NOVA1: variants seen among roughly 807,000 people sequenced by gnomAD.
The protein encoded by NOVA1 is RNA-binding protein Nova-1.
Under a neutral mutation model 38.0 loss-of-function variants are expected in NOVA1, and 7 were observed. The ratio of observed to expected loss-of-function variants is 0.18; its 90% CI spans 0.10 to 0.35. The LOEUF is 0.35. Among genes scored for constraint, NOVA1 ranks in the 10% least tolerant of loss-of-function variants. The pLI is 1.00. For missense variants in NOVA1, 460 were observed against 616.0 expected, an observed-to-expected ratio of 0.75 and a Z score of 2.68; for synonymous variants, 270 against 232.5, an observed-to-expected ratio of 1.16 and a Z score of -1.47.
chr14:26,587,681 T>C (rs1344239738), intron 2 of NOVA1, among the ~76,000 whole-genome samples: 1 of 151,278 alleles, frequency 6.6e-6, no homozygotes, highest in East Asian at 1.9e-4. Flanking sequence ...CCTCCAACAC[T>C]AACCACTTCA....
chr14:26,521,946 T>C (rs1888929125), intron 2 of NOVA1, among the ~76,000 whole-genome samples: 2 of 151,638 alleles, frequency 1.3e-5, no homozygotes, highest in South Asian at 4.2e-4. Context: ...TTTTCCTTAA[T>C]TAGAGTTCAA....
Position 26,445,287 on chromosome 14 carries a change from A to G in NOVA1, c.*2672T>C, listed in dbSNP as rs1881985327. On this transcript the variant is annotated 3_prime_UTR_variant, in exon 5 of 5. Transcript: ENST00000539517. The stretch of plus-strand genomic sequence containing the variant: ...CATACTAATTTTCTTGCAATAAATT[A>G]AAGCATCACATCACAAATCAATTCT... 6.6e-6 allele frequency: 1 copy of G among 152,224 alleles called. No homozygotes were observed. Among genetic ancestry groups the G allele is most frequent in the African/African-American group, 2.4e-5 (1 of 41,466 alleles). The allele number at this position is 152,224 out of a possible 1,614,324, so 9.4% of individuals were successfully genotyped here. A position where few individuals can be genotyped will look rare whatever the true frequency, so the allele number is the denominator to read the frequency against.
At position 26,557,093 on chromosome 14, in the gene NOVA1, T is replaced by C. The variant is rs1179876929; in HGVS notation, c.280+38317A>G. Among the ~76,000 whole-genome samples, 2 of 152,168 alleles carry C rather than the reference T, an allele frequency of 1.3e-5. 1 individual carries two copies. Among genetic ancestry groups the C allele is most frequent in the Non-Finnish European group, 2.9e-5 (2 of 68,024 alleles). On this transcript the variant is annotated intron_variant, in intron 2 of 4. Transcript: ENST00000539517. Reference sequence around the variant, plus strand: ...GTACACATTTCTCCTCTTATAAGGATACCAGTCATAATGGATTCAAACTTA... The same window carrying C: ...GTACACATTTCTCCTCTTATAAGGACACCAGTCATAATGGATTCAAACTTA...
intron 2 of NOVA1, among the ~76,000 whole-genome samples, chr14:26,521,162 A>G (rs953188779): frequency 9.2e-5 from 14 of 152,004 alleles, no homozygotes; most frequent in Non-Finnish European, 1.6e-4. Context: ...CAGCATGACT[A>G]TTTTAGGTCA....
intron 2 of NOVA1, among the ~76,000 whole-genome samples, chr14:26,579,529 T>C (rs568033952): frequency 5.6e-4 from 86 of 152,326 alleles, no homozygotes; most frequent in Non-Finnish European, 1.2e-3. Context: ...TACTTACAGT[T>C]AGTTGATCTT....
chr14:26,562,493 C>T (rs1479276137), intron 2 of NOVA1, among the ~76,000 whole-genome samples: 1 of 152,104 alleles, frequency 6.6e-6, no homozygotes, highest in Non-Finnish European at 1.5e-5. Flanking sequence ...TCTGAAACAT[C>T]ACTAAAATGG....
chr14:26,537,956 T>C (rs894323260), intron 2 of NOVA1, among the ~76,000 whole-genome samples: 1 of 152,096 alleles, frequency 6.6e-6, no homozygotes, highest in Non-Finnish European at 1.5e-5. Context: ...AGTGAAGATG[T>C]AGAGGAAGAG....
At chr14:26,483,707 T>C (rs987036185) in intron 2 of NOVA1, among the ~76,000 whole-genome samples, 1 of 152,130 alleles carries the variant, frequency 6.6e-6, no homozygotes, top group Non-Finnish European at 1.5e-5. Flanking sequence ...TATAGATTAA[T>C]ACTGAAAACA....
At chr14:26,476,727 T>TG (rs1443479775) in intron 3 of NOVA1, among the ~76,000 whole-genome samples, 1 of 151,414 alleles carries the variant, frequency 6.6e-6, no homozygotes, top group Non-Finnish European at 1.5e-5. Context: ...TCTTTTTTTT[T>TG]TTTTTTGAGA....
intron 4 of NOVA1, among the ~76,000 whole-genome samples, chr14:26,464,379 G>T (rs1296784831): frequency 6.6e-6 from 1 of 152,208 alleles, no homozygotes. Flanking sequence ...TAGGTTTGTA[G>T]CCTAGGAGCA....
At chr14:26,486,516 T>C (rs1885903410) in intron 2 of NOVA1, among the ~76,000 whole-genome samples, 1 of 151,746 alleles carries the variant, frequency 6.6e-6, no homozygotes, top group Non-Finnish European at 1.5e-5. Context: ...AAGACCATCC[T>C]GGCTAACACG....
intron 2 of NOVA1, among the ~76,000 whole-genome samples, chr14:26,510,323 T>C (rs1051427197): frequency 6.6e-6 from 1 of 152,172 alleles, no homozygotes; most frequent in African/African-American, 2.4e-5. Context: ...GTTTATAGAA[T>C]GTTAAACGGT....
At chr14:26,574,727 C>T (rs1892727425) in intron 2 of NOVA1, among the ~76,000 whole-genome samples, 1 of 152,124 alleles carries the variant, frequency 6.6e-6, no homozygotes, top group South Asian at 2.1e-4. Context: ...GGTGAGATCA[C>T]GCTCACTGCA....
At chr14:26,539,578 A>G (rs1890324348) in intron 2 of NOVA1, among the ~76,000 whole-genome samples, 1 of 151,662 alleles carries the variant, frequency 6.6e-6, no homozygotes, top group Non-Finnish European at 1.5e-5. Context: ...AGATGTAGAT[A>G]AAGATATATA....
At chr14:26,549,798 T>C in intron 2 of NOVA1, 1 of 1,246,250 alleles carries the variant, frequency 8.0e-7, no homozygotes, top group Non-Finnish European at 1.1e-6. Context: ...GAAAGTGCGC[T>C]GTTAAACAGT....
At chr14:26,587,904 G>C (rs1264415606) in intron 2 of NOVA1, among the ~76,000 whole-genome samples, 1 of 151,006 alleles carries the variant, frequency 6.6e-6, no homozygotes, top group African/African-American at 2.4e-5. Flanking sequence ...TCTCAGTCCA[G>C]TGTATTTTCT....
intron 2 of NOVA1, among the ~76,000 whole-genome samples, chr14:26,558,204 A>C (rs1891611043): frequency 6.6e-6 from 1 of 152,108 alleles, no homozygotes; most frequent in Non-Finnish European, 1.5e-5. Context: ...ACATATAAAA[A>C]TGTACAACGT....
At chr14:26,593,740 G>A (rs1012424899) in intron 2 of NOVA1, 2 of 151,686 alleles carry the variant, frequency 1.3e-5, no homozygotes, top group African/African-American at 4.8e-5. Context: ...AAAAACAAAA[G>A]ATCTAATTCT....
At chr14:26,560,599 G>T (rs1323777833) in intron 2 of NOVA1, among the ~76,000 whole-genome samples, 2 of 152,124 alleles carry the variant, frequency 1.3e-5, no homozygotes, top group East Asian at 3.9e-4. Context: ...CGTGGTAGTT[G>T]TAAGGACAGA....
Sources: gnomAD v4.1 joint callset for allele counts (sites outside exome capture counted in the v4.1 genomes callset) on GRCh38, gnomAD v4.1.1 for gene constraint, MANE v1.5 for transcripts, NCBI Gene and HGNC (gene_info 2026-07-23, HGNC 2026-07-21) for gene names.